FHIT: variants seen among roughly 807,000 people sequenced by gnomAD.
FHIT encodes fragile histidine triad diadenosine triphosphatase.
In FHIT, 19 loss-of-function variants were observed where a neutral mutation model predicts 17.9. The observed-to-expected ratio is 1.06, with a 90% CI of 0.74 to 1.56. FHIT has a LOEUF of 1.56. Among genes scored for constraint, FHIT ranks in the 40% most tolerant of loss-of-function variants. The pLI is 0.00. For missense variants in FHIT, 248 were observed against 189.2 expected (o/e 1.31, Z -1.82); for synonymous variants, 81 against 69.7 (o/e 1.16, Z -0.81).
At chr3:59,935,294 T>C (rs4502542) in intron 7 of FHIT, among the ~76,000 whole-genome samples, 148,367 of 152,282 alleles carry the variant, frequency 0.97, 72,393 homozygotes, top group East Asian at 1. Flanking sequence ...GTTGTAGTCA[T>C]GGAGTTTATA....
intron 5 of FHIT, among the ~76,000 whole-genome samples, chr3:60,463,198 T>C (rs1455639453): frequency 6.6e-6 from 1 of 152,202 alleles, no homozygotes; most frequent in Non-Finnish European, 1.5e-5. Context: ...GTTCACACTT[T>C]AAAGTACTTA....
At chr3:60,088,569 G>A (rs1703598024) in intron 5 of FHIT, among the ~76,000 whole-genome samples, 2 of 152,080 alleles carry the variant, frequency 1.3e-5, no homozygotes, top group South Asian at 4.2e-4. Flanking sequence ...CTTCAGCAAG[G>A]TCTCCTCAGT....
At chr3:60,365,411 G>C (rs1358335408) in intron 5 of FHIT, among the ~76,000 whole-genome samples, 1 of 151,924 alleles carries the variant, frequency 6.6e-6, no homozygotes, top group Non-Finnish European at 1.5e-5. Context: ...TACTCACTGA[G>C]TTTTAAATTC....
At chr3:60,346,568 C>A (rs1204803814) in intron 5 of FHIT, among the ~76,000 whole-genome samples, 1 of 152,146 alleles carries the variant, frequency 6.6e-6, no homozygotes, top group Non-Finnish European at 1.5e-5. Flanking sequence ...AGGAATCCCC[C>A]ACGCTTTGCT....
chr3:60,718,803 T>C (rs1041311212), intron 4 of FHIT, among the ~76,000 whole-genome samples: 1 of 152,166 alleles, frequency 6.6e-6, no homozygotes, highest in Non-Finnish European at 1.5e-5. Flanking sequence ...ATTAAACAAA[T>C]TTTTTTGACT....
intron 5 of FHIT, among the ~76,000 whole-genome samples, chr3:60,328,201 G>A (rs1040488763): frequency 2.2e-4 from 33 of 152,338 alleles, no homozygotes; most frequent in Middle Eastern, 3.4e-3. Context: ...TGAACACAGA[G>A]TAAGGCAGGA....
At chr3:60,887,685 A>T (rs1356044721) in intron 3 of FHIT, among the ~76,000 whole-genome samples, 1 of 152,122 alleles carries the variant, frequency 6.6e-6, no homozygotes, top group African/African-American at 2.4e-5. Flanking sequence ...TAATTTTGAA[A>T]TTTTAAGCTC....
At chr3:60,385,352 G>T (rs1407272771) in intron 5 of FHIT, among the ~76,000 whole-genome samples, 1 of 152,148 alleles carries the variant, frequency 6.6e-6, no homozygotes, top group Non-Finnish European at 1.5e-5. Flanking sequence ...ATGGCTTTGT[G>T]TATACAACTG....
intron 2 of FHIT, among the ~76,000 whole-genome samples, chr3:61,160,651 G>A (rs1186296526): frequency 6.6e-6 from 1 of 152,174 alleles, no homozygotes; most frequent in Non-Finnish European, 1.5e-5. Context: ...TGACTACCAT[G>A]GGGAACAGTG....
intron 7 of FHIT, among the ~76,000 whole-genome samples, chr3:59,988,381 T>C (rs528912931): frequency 3.2e-4 from 49 of 152,236 alleles, no homozygotes; most frequent in Middle Eastern, 3.4e-3. Flanking sequence ...GTGGAGTCTA[T>C]TGTTGGTTTA....
Position 61,111,799 on chromosome 3 carries a change from G to A in FHIT, c.-163-69700C>T, listed in dbSNP as rs913606366. The stretch of plus-strand genomic sequence containing the variant: ...ATATCCTAAGCAGATACATATGTAC[G>A]TATGTGCACGTATATAATTTGAGTC... On this transcript the variant is annotated intron_variant, in intron 2 of 9. Transcript: ENST00000492590. Among the ~76,000 whole-genome samples the A allele has an allele frequency of 1.2e-4, 19 of 152,108 alleles. No homozygotes were observed. In the South Asian group the frequency reaches 2.5e-3, roughly 20 times the overall value.
At chr3:60,732,313 C>A (rs963370963) in intron 4 of FHIT, 3 of 945,980 alleles carry the variant, frequency 3.2e-6, no homozygotes, top group Non-Finnish European at 5.2e-6. Context: ...AACTGGGAAC[C>A]ATTTGTGTTG....
chr3:60,508,348 G>T (rs1013695265), intron 5 of FHIT, among the ~76,000 whole-genome samples: 2 of 152,112 alleles, frequency 1.3e-5, no homozygotes, highest in Admixed American at 6.5e-5. Context: ...AATGTCTCTG[G>T]ATTATGAATT....
intron 4 of FHIT, chr3:60,730,343 T>C (rs1007399029): frequency 3.8e-6 from 1 of 261,570 alleles, no homozygotes; most frequent in Non-Finnish European, 8.3e-6. Flanking sequence ...AATATCACTA[T>C]CTTTGGAGTC....
At chr3:60,760,561 A>T (rs1163555000) in intron 4 of FHIT, among the ~76,000 whole-genome samples, 1 of 152,188 alleles carries the variant, frequency 6.6e-6, no homozygotes, top group Non-Finnish European at 1.5e-5. Flanking sequence ...TTAATGAAAG[A>T]TATTAATTTT....
chr3:60,578,128 C>T (rs570431394), intron 4 of FHIT, among the ~76,000 whole-genome samples: 82 of 152,198 alleles, frequency 5.4e-4, no homozygotes, highest in African/African-American at 2.0e-3. Context: ...GGATGGAGAA[C>T]TACAATCTTT....
chr3:60,428,179 A>G (rs552128019), intron 5 of FHIT, among the ~76,000 whole-genome samples: 30 of 152,110 alleles, frequency 2.0e-4, no homozygotes, highest in Non-Finnish European at 3.8e-4. Context: ...TAAGTTTCCA[A>G]TCTCAGCTCT....
chr3:61,025,329 T>C (rs1161243952), intron 3 of FHIT, among the ~76,000 whole-genome samples: 2 of 152,146 alleles, frequency 1.3e-5, no homozygotes, highest in Admixed American at 1.3e-4. Flanking sequence ...GTTGCTGCAG[T>C]AGAGTAAAGG....
chr3:59,955,590 A>C (rs1055600632), intron 7 of FHIT, among the ~76,000 whole-genome samples: 1 of 152,168 alleles, frequency 6.6e-6, no homozygotes, highest in African/African-American at 2.4e-5. Context: ...TCCATGTGGA[A>C]GTCATAGAAG....
Sources: gnomAD v4.1 joint callset for allele counts (sites outside exome capture counted in the v4.1 genomes callset) on GRCh38, gnomAD v4.1.1 for gene constraint, MANE v1.5 for transcripts, NCBI Gene and HGNC (gene_info 2026-07-23, HGNC 2026-07-21) for gene names.